Variants in BTN2A1 observed in about 807,000 individuals in gnomAD.
BTN2A1 encodes the protein butyrophilin subfamily 2 member A1, also known as butyrophilin, subfamily 2, member A1.
In BTN2A1, 41 loss-of-function variants were observed where a neutral mutation model predicts 34.5. The observed-to-expected ratio is 1.19, with a 90% CI of 0.93 to 1.54. The LOEUF is 1.54. Ranked by LOEUF, BTN2A1 falls within the 40% of genes most tolerant of loss-of-function variation. BTN2A1 has a pLI of 0.00. For synonymous variants in BTN2A1, 267 were observed against 258.6 expected (o/e 1.03, Z -0.31); for missense variants, 642 against 662.0 (o/e 0.97, Z 0.33).
In BTN2A1 at chr6:26,468,173, G is replaced by A. The variant is rs953931182; in HGVS notation, c.1208G>A (p.Cys403Tyr). 8.1e-6 allele frequency: 13 copies of A among 1,614,114 alleles called. No individual in the cohort carries two copies. Among genetic ancestry groups the A allele is most frequent in the African/African-American group, 8.0e-5 (6 of 74,938 alleles). ...ENVIEWTVGV[C>Y]RDSVERKGEV... ...GTGATTGAGTGGACTGTGGGGGTCT[G>A]TAGAGACAGTGTTGAGAGGAAAGGG... is the stretch of plus-strand genomic sequence containing the variant. Residue 403 changes from cysteine (C) to tyrosine (Y), a missense_variant, in exon 8 of 8, where the codon TGT becomes TAT. Coordinates refer to ENST00000312541, the MANE Select transcript of BTN2A1 (RefSeq NM_007049.5).
chr6:26,475,228 G>C (rs1763518466), intron 7 of BTN2A1, among the ~76,000 whole-genome samples: 1 of 152,166 alleles, frequency 6.6e-6, no homozygotes, highest in Non-Finnish European at 1.5e-5. Flanking sequence ...TCAACACCCT[G>C]CCCAGGTGAC....
rs1396477021 is a variant in BTN2A1 at position 26,459,587 on chromosome 6, G to A, written c.189G>A (p.Glu63=). ...LSPEKNAEDM[E]VRWFRSQFSP... ...CCGAGAAAAATGCTGAGGACATGGA[G>A]GTGCGGTGGTTCCGGTCTCAGTTCT... The change falls in exon 3 of 8, where the codon GAG becomes GAA. Residue 63 remains glutamate (E), a synonymous_variant. Transcript: ENST00000312541. 3.1e-6 allele frequency: 5 copies of A among 1,614,106 alleles called. No homozygotes were observed. The highest frequency in any genetic ancestry group is 4.2e-6 in the Non-Finnish European group (5 of 1,180,020).
At chr6:26,458,817 T>C in intron 2 of BTN2A1, 99 bp downstream of exon 2, 1 of 1,443,680 alleles carries the variant, frequency 6.9e-7, no homozygotes, top group Admixed American at 1.7e-5. Flanking sequence ...AGTTGTTGAC[T>C]TACCCTTTCA....
At chr6:26,471,467 C>T (rs1364929378), downstream of BTN2A1, among the ~76,000 whole-genome samples, 2 of 152,216 alleles carry the variant, frequency 1.3e-5, no homozygotes. Context: ...GTGGCTCACG[C>T]CCGTCATCCC....
chr6:26,473,014 A>G (rs1157703555), downstream of BTN2A1, among the ~76,000 whole-genome samples: 1 of 152,234 alleles, frequency 6.6e-6, no homozygotes, highest in South Asian at 2.1e-4. Flanking sequence ...GTGTGGGTAT[A>G]TGGAAAGTAG....
rs192076036 is a variant in BTN2A1 at position 26,462,978 on chromosome 6, A to G, written c.431-266A>G. The G allele has an allele frequency of 1.4e-5, 16 of 1,121,002 alleles. No homozygotes were observed. The African/African-American group carries it at 2.2e-4, about 16-fold the overall frequency. 69.4% of individuals were successfully genotyped at this position (1,121,002 alleles called of 1,614,324 possible). The stretch of plus-strand genomic sequence containing the variant: ...GATGCTTGGTGCTGTGATGGGGCCT[A>G]TAGGTGGACCGCAAAGAAAAGGGTG... On this transcript the variant is annotated intron_variant, in intron 3 of 7. Transcript: ENST00000312541.
At chr6:26,466,237 T>G in intron 7 of BTN2A1, 149 bp downstream of exon 7, 3 of 1,205,186 alleles carry the variant, frequency 2.5e-6, no homozygotes, top group Non-Finnish European at 3.7e-6. Context: ...CCAGCAATGA[T>G]GCATCATGTC....
At chr6:26,475,206 CACA>C (rs750455119) in intron 7 of BTN2A1, among the ~76,000 whole-genome samples, 13 of 152,152 alleles carry the variant, frequency 8.5e-5, no homozygotes, top group Non-Finnish European at 1.6e-4. Flanking sequence ...CCAACATCCC[CACA>C]ACAGCCCGTC....
downstream of BTN2A1, among the ~76,000 whole-genome samples, chr6:26,470,143 T>C (rs1229573904): frequency 2.6e-5 from 4 of 151,590 alleles, no homozygotes; most frequent in African/African-American, 9.7e-5. Flanking sequence ...AGGTCAGGAG[T>C]TCAAGACCAG....
At chr6:26,476,243 C>T in exon 8 of BTN2A1, 2 of 1,418,718 alleles carry the variant, frequency 1.4e-6, no homozygotes, top group Non-Finnish European at 1.9e-6. Context: ...TGCAAATGAC[C>T]AGAGCACTCC....
Position 26,458,105 on chromosome 6 carries a change from CAGCGGA to C in BTN2A1, c.-67_-62del. 1.3e-5 allele frequency: 2 copies of C among 155,718 alleles called. No homozygotes were observed. The highest frequency in any genetic ancestry group is 1.9e-4 in the East Asian group (1 of 5,216). 9.6% of individuals were successfully genotyped at this position (155,718 alleles called of 1,614,324 possible). A position where few individuals can be genotyped will look rare whatever the true frequency, so the allele number is the denominator to read the frequency against. ...GGACGACTGGAGAATCGTCGAGAAC[CAGCGGA>C]GAAAAGAAAAAGCAACGTTTAATTC... On this transcript the variant is annotated 5_prime_UTR_variant, in exon 1 of 8. Coordinates refer to ENST00000312541, the MANE Select transcript of BTN2A1 (RefSeq NM_007049.5).
chr6:26,472,770 G>C (rs1259077260), downstream of BTN2A1, among the ~76,000 whole-genome samples: 1 of 152,130 alleles, frequency 6.6e-6, no homozygotes, highest in Non-Finnish European at 1.5e-5. Flanking sequence ...ACGTTGAAGG[G>C]TGAGGAGGGC....
intron 4 of BTN2A1, among the ~76,000 whole-genome samples, chr6:26,464,889 C>T (rs796164174): frequency 5.9e-5 from 9 of 152,138 alleles, no homozygotes; most frequent in South Asian, 2.1e-4. Flanking sequence ...GTATTCCAGG[C>T]GTGAGTGATG....
chr6:26,459,808 T>A lies in BTN2A1; in HGVS notation c.410T>A (p.Ile137Asn). Reference sequence around the variant, plus strand: ...GAAGGCAGGTCCTACGATGAGGCCATCCTGCACCTCGTAGTGGCAGGTGCG... The same window carrying A: ...GAAGGCAGGTCCTACGATGAGGCCAACCTGCACCTCGTAGTGGCAGGTGCG... ...FQEGRSYDEA[I>N]LHLVVAGLGS... Residue 137 changes from isoleucine to asparagine, a missense_variant, in exon 3 of 8, where the codon ATC becomes AAC. By Grantham distance (149) the Ile-to-Asn change is moderately radical (BLOSUM62 -3). Coordinates refer to ENST00000312541, the MANE Select transcript of BTN2A1 (RefSeq NM_007049.5). 6.2e-7 allele frequency: 1 copy of A among 1,613,218 alleles called. No individual in the cohort carries two copies. The highest frequency in any genetic ancestry group is 8.5e-7 in the Non-Finnish European group (1 of 1,179,286).
intron 7 of BTN2A1, among the ~76,000 whole-genome samples, chr6:26,475,022 C>G (rs1763515245): frequency 6.6e-6 from 1 of 152,172 alleles, no homozygotes; most frequent in South Asian, 2.1e-4. Flanking sequence ...CTTGGCCTCC[C>G]AAAGTGCTGT....
intron 3 of BTN2A1, among the ~76,000 whole-genome samples, chr6:26,462,573 A>C (rs1266137802): frequency 2.6e-5 from 4 of 152,206 alleles, no homozygotes; most frequent in African/African-American, 9.7e-5. Flanking sequence ...ATACTGCCTA[A>C]TGGATGGAGC....
intron 7 of BTN2A1, chr6:26,476,118 G>A (rs750404437): frequency 1.3e-6 from 2 of 1,535,914 alleles, no homozygotes; most frequent in Non-Finnish European, 1.7e-6. Flanking sequence ...CTTTTGAGTT[G>A]TAGGGCCAGT....
At chr6:26,473,822 G>C (rs1763490558), downstream of BTN2A1, among the ~76,000 whole-genome samples, 1 of 152,188 alleles carries the variant, frequency 6.6e-6, no homozygotes, top group Non-Finnish European at 1.5e-5. Context: ...CAAACACTTT[G>C]AGAGGTAGGG....
chr6:26,462,652 A>G (rs1224176937), intron 3 of BTN2A1: 3 of 392,988 alleles, frequency 7.6e-6, no homozygotes, highest in Non-Finnish European at 1.4e-5. Context: ...CAAGTCTCCT[A>G]AAAACCATCA....
Sources: gnomAD v4.1 joint callset for allele counts (sites outside exome capture counted in the v4.1 genomes callset) on GRCh38, gnomAD v4.1.1 for gene constraint, MANE v1.5 for transcripts, NCBI Gene and HGNC (gene_info 2026-07-23, HGNC 2026-07-21) for gene names.